Variants in SOS2 observed in about 807,000 individuals in gnomAD.
The protein encoded by SOS2 is SOS Ras/Rho guanine nucleotide exchange factor 2.
SOS2 carries 65 observed loss-of-function variants against 148.2 expected under a neutral mutation model. The ratio of observed to expected loss-of-function variants is 0.44; its 90% confidence interval spans 0.36 to 0.54. SOS2 has a LOEUF of 0.54. Ranked by LOEUF, SOS2 falls within the 20% of genes least tolerant of loss-of-function variation. The probability of loss-of-function intolerance (pLI) is 0.00; values close to 1 mark genes in which losing one functional copy is unlikely to be tolerated. For missense variants in SOS2, 1,341 were observed against 1,590.2 expected, an observed-to-expected ratio of 0.84 and a Z score of 2.67; for synonymous variants, 539 against 537.1, an observed-to-expected ratio of 1.00 and a Z score of -0.05.
At chr14:50,159,147 G>A (rs575057292) in intron 10 of SOS2, among the ~76,000 whole-genome samples, 9 of 151,446 alleles carry the variant, frequency 5.9e-5, no homozygotes, top group Admixed American at 3.3e-4. Flanking sequence ...CAGAGATAGC[G>A]CCACTGCACT....
intron 7 of SOS2, among the ~76,000 whole-genome samples, 194 bp downstream of exon 7, chr14:50,180,378 T>C (rs779620676): frequency 6.8e-6 from 1 of 148,032 alleles, no homozygotes; most frequent in Non-Finnish European, 1.5e-5. Flanking sequence ...TGTTGTACTA[T>C]AAAAGATTTC....
Position 50,158,551 on chromosome 14 carries a change from CA to C in SOS2, c.1934+13del, listed in dbSNP as rs1206471804. Reference sequence around the variant, plus strand: ...ACAAAATGTCAATATAACTGAAATACATATTTTTCTTACCGTTCAATCAGTA... The same window carrying C: ...ACAAAATGTCAATATAACTGAAATACTATTTTTCTTACCGTTCAATCAGTA... On this transcript the variant is annotated intron_variant, in intron 11 of 22. Transcript: ENST00000216373. 2.0e-6 allele frequency: 3 copies of C among 1,493,512 alleles called. No individual in the cohort carries two copies. Among genetic ancestry groups the C allele is most frequent in the Non-Finnish European group, 2.8e-6 (3 of 1,078,446 alleles). The allele number at this position is 1,493,512 out of a possible 1,614,324, so 92.5% of individuals were successfully genotyped here.
At chr14:50,204,896 T>TTTC (rs1886610531) in intron 1 of SOS2, among the ~76,000 whole-genome samples, 1 of 31,084 alleles carries the variant, frequency 3.2e-5, no homozygotes, top group Non-Finnish European at 7.0e-5. Context: ...TTTTCTTTTT[T>TTTC]TTTCTTTCTT....
chr14:50,136,690 A>C (rs1884091988), intron 18 of SOS2, among the ~76,000 whole-genome samples: 1 of 151,668 alleles, frequency 6.6e-6, no homozygotes, highest in Admixed American at 6.6e-5. Context: ...TCTGGGTCCA[A>C]GCGATCCTCC....
intron 18 of SOS2, 91 bp downstream of exon 18, chr14:50,138,521 C>T (rs954340661): frequency 7.1e-6 from 4 of 566,996 alleles, no homozygotes; most frequent in Middle Eastern, 4.3e-4. Flanking sequence ...CCCTGTTGTG[C>T]GATCCAATAG....
At chr14:50,215,773 A>G (rs1887025969) in intron 1 of SOS2, among the ~76,000 whole-genome samples, 1 of 152,240 alleles carries the variant, frequency 6.6e-6, no homozygotes, top group Admixed American at 6.5e-5. Context: ...ATCCATGTGT[A>G]GACACACACA....
At chr14:50,138,549 A>ATTT (rs35961944) in intron 18 of SOS2, 63 bp downstream of exon 18, 276 of 599,622 alleles carry the variant, frequency 4.6e-4, no homozygotes, top group Non-Finnish European at 5.8e-4. Flanking sequence ...TATTCATTCT[A>ATTT]TTTTTTTTTT....
At chr14:50,120,032 C>T (rs1219006483) in intron 22 of SOS2, among the ~76,000 whole-genome samples, 13 of 152,074 alleles carry the variant, frequency 8.5e-5, no homozygotes, top group African/African-American at 2.4e-4. Flanking sequence ...AGGCTGGTCT[C>T]GAACTCCTGA....
chr14:50,198,892 C>T (rs1566476534), intron 4 of SOS2, among the ~76,000 whole-genome samples: 1 of 152,220 alleles, frequency 6.6e-6, no homozygotes. Context: ...GGTGCAGTGG[C>T]TCATGCCTAT....
chr14:50,154,882 T>G (rs36060549), intron 12 of SOS2, among the ~76,000 whole-genome samples: 2,666 of 152,292 alleles, frequency 0.018, 41 homozygotes, highest in Non-Finnish European at 0.025. Flanking sequence ...GAGATACATG[T>G]ATTTGTTAAA....
intron 8 of SOS2, among the ~76,000 whole-genome samples, chr14:50,172,415 A>ACTCTTTT (rs1885392060): frequency 4.6e-5 from 1 of 21,524 alleles, no homozygotes; most frequent in Non-Finnish European, 8.9e-5. Flanking sequence ...CTCTTTATTC[A>ACTCTTTT]TTCCTTTTTT....
chr14:50,176,179 A>AC (rs1885516626), intron 7 of SOS2, among the ~76,000 whole-genome samples: 1 of 152,216 alleles, frequency 6.6e-6, no homozygotes, highest in African/African-American at 2.4e-5. Context: ...ACAAGAAAGC[A>AC]CCATCTATGA....
chr14:50,231,230 T>C lies in SOS2; in HGVS notation c.54A>G (p.Lys18=). 6.6e-7 allele frequency: 1 copy of C among 1,514,792 alleles called. No homozygotes were observed. Among genetic ancestry groups the C allele is most frequent in the African/African-American group, 1.4e-5 (1 of 71,044 alleles). 93.8% of individuals were successfully genotyped at this position (1,514,792 alleles called of 1,614,324 possible). ...YEFFSEENSP[K]WRGLLVSALR... is the part of the protein sequence containing the mutation. ...GGGCCGAGACCAACAGTCCCCGCCA[T>C]TTCGGACTGTTCTCCTCGCTGAAGA... Residue 18 remains lysine, a synonymous_variant, in exon 1 of 23, where the codon AAA becomes AAG. Transcript: ENST00000216373.
At chr14:50,120,173 T>C in intron 22 of SOS2, 102 bp downstream of exon 22, 1 of 611,114 alleles carries the variant, frequency 1.6e-6, no homozygotes, top group African/African-American at 1.9e-5. Context: ...TGAAAAACCA[T>C]AAATGGTAGC....
chr14:50,123,470 C>T (rs1357850330), intron 21 of SOS2, among the ~76,000 whole-genome samples: 1 of 151,242 alleles, frequency 6.6e-6, no homozygotes, highest in African/African-American at 2.4e-5. Context: ...CAACCTCCGC[C>T]TCCCGGATTC....
At chr14:50,191,401 C>A (rs1281596504) in intron 4 of SOS2, among the ~76,000 whole-genome samples, 2 of 152,072 alleles carry the variant, frequency 1.3e-5, no homozygotes, top group Non-Finnish European at 2.9e-5. Flanking sequence ...CCCAGGAATT[C>A]GAAGCTGCAG....
intron 4 of SOS2, among the ~76,000 whole-genome samples, chr14:50,194,458 T>A (rs1459732043): frequency 7.1e-5 from 1 of 14,062 alleles, no homozygotes; most frequent in Non-Finnish European, 1.8e-4. Context: ...TTTCAATTTT[T>A]TTTTTTTTTT....
At chr14:50,145,427 G>T in intron 15 of SOS2, 50 bp downstream of exon 15, 1 of 1,570,420 alleles carries the variant, frequency 6.4e-7, no homozygotes, top group South Asian at 1.2e-5. Context: ...GCTTAAATAT[G>T]ACTTAATATT....
At chr14:50,218,455 G>A (rs1032855581) in intron 1 of SOS2, among the ~76,000 whole-genome samples, 4 of 151,546 alleles carry the variant, frequency 2.6e-5, no homozygotes, top group Non-Finnish European at 2.9e-5. Context: ...CCCGGAAGGC[G>A]GAGGGTGCAG....
Sources: allele counts gnomAD v4.1 joint callset (sites outside exome capture counted in the v4.1 genomes callset), GRCh38; gene constraint gnomAD v4.1.1; transcripts MANE v1.5; gene names NCBI Gene and HGNC (gene_info 2026-07-23, HGNC 2026-07-21).